The following ARHGEF3 variants were observed in gnomAD, a reference collection of about 807,000 sequenced individuals.
ARHGEF3 encodes the protein Rho guanine nucleotide exchange factor 3.
Under a neutral mutation model 63.2 loss-of-function variants are expected in ARHGEF3, and 28 were observed. That is an observed-to-expected ratio of 0.44 (90% confidence interval 0.33 to 0.61). ARHGEF3 has a LOEUF of 0.61. Among genes scored for constraint, ARHGEF3 ranks in the 20% least tolerant of loss-of-function variants. The probability of loss-of-function intolerance (pLI) is 0.03; values close to 1 mark genes in which losing one functional copy is unlikely to be tolerated. For synonymous variants in ARHGEF3, 266 were observed against 254.2 expected (o/e 1.05, Z -0.44); for missense variants, 533 against 659.3 (o/e 0.81, Z 2.10).
intron 2 of ARHGEF3, among the ~76,000 whole-genome samples, chr3:56,980,054 G>A (rs11925114): frequency 0.015 from 2,315 of 152,250 alleles, 41 homozygotes; most frequent in Non-Finnish European, 0.024. Flanking sequence ...TTTGTGAATT[G>A]AGAATGATGA....
Position 56,992,375 on chromosome 3 carries a change from T to TAAAAAAAAAAAA in ARHGEF3, c.63-33498_63-33487dup, listed in dbSNP as rs57740672. 8.5e-4 allele frequency among the ~76,000 whole-genome samples: 39 copies of TAAAAAAAAAAAA among 46,150 alleles called. 5 individuals are homozygous for TAAAAAAAAAAAA. Among genetic ancestry groups the TAAAAAAAAAAAA allele is most frequent in the African/African-American group, 9.7e-4 (19 of 19,684 alleles). 30.3% of individuals were successfully genotyped at this position (46,150 alleles called of 152,430 possible). A position where few individuals can be genotyped will look rare whatever the true frequency, so the allele number is the denominator to read the frequency against. On this transcript the variant is annotated intron_variant, in intron 2 of 12. Coordinates refer to the ARHGEF3 transcript ENST00000338458. Reference sequence around the variant, plus strand: ...GGTCCTATGGTAGGGAGGATGGCTTTAAAAAAAAAAAAAAAAAAAAAAAAA... The same window carrying TAAAAAAAAAAAA: ...GGTCCTATGGTAGGGAGGATGGCTTTAAAAAAAAAAAAAAAAAAAAAAAAAAAAAAAAAAAAA...
At chr3:56,781,815 C>T (rs943490478) in intron 1 of ARHGEF3, among the ~76,000 whole-genome samples, 6 of 152,142 alleles carry the variant, frequency 3.9e-5, no homozygotes, top group Non-Finnish European at 8.8e-5. Context: ...TTGAAGTATA[C>T]AGGTGTCACT....
intron 4 of ARHGEF3, among the ~76,000 whole-genome samples, chr3:56,817,923 A>T (rs760289063): frequency 5.9e-5 from 9 of 152,212 alleles, no homozygotes; most frequent in Non-Finnish European, 8.8e-5. Context: ...TGGGGGATCA[A>T]GTGGCCTTGG....
intron 2 of ARHGEF3, among the ~76,000 whole-genome samples, chr3:56,982,752 C>T (rs928422289): frequency 1.3e-5 from 2 of 152,074 alleles, no homozygotes; most frequent in African/African-American, 4.8e-5. Context: ...CTCCCAGGTC[C>T]CCACCTGTCT....
chr3:56,754,856 G>GT, intron 3 of ARHGEF3, 125 bp downstream of exon 3: 1 of 1,316,262 alleles, frequency 7.6e-7, no homozygotes, highest in Non-Finnish European at 1.0e-6. Flanking sequence ...AGACACTCTT[G>GT]TTTATCCTTC....
At chr3:56,798,267 A>T (rs1369851213) in intron 1 of ARHGEF3, among the ~76,000 whole-genome samples, 1 of 152,236 alleles carries the variant, frequency 6.6e-6, no homozygotes, top group Non-Finnish European at 1.5e-5. Context: ...ACAAATTTTT[A>T]AAACTGCTGA....
At chr3:56,928,087 C>T (rs2042321121) in intron 3 of ARHGEF3, among the ~76,000 whole-genome samples, 1 of 152,178 alleles carries the variant, frequency 6.6e-6, no homozygotes, top group African/African-American at 2.4e-5. Context: ...TGCACCAAAG[C>T]TCTTCAGAGC....
In ARHGEF3 at chr3:57,017,380, G is replaced by A. The variant is rs536111321; in HGVS notation, c.62+17708C>T. Among the ~76,000 whole-genome samples the A allele has an allele frequency of 9.9e-5, 15 of 152,262 alleles. No individual in the cohort carries two copies. The South Asian group carries it at 1.2e-3, about 13-fold the overall frequency. On this transcript the variant is annotated intron_variant, in intron 2 of 12. Transcript: ENST00000338458. ...GGTTCCAATACCCAGGACATGCTCT[G>A]GGAAGAAAGAGAATGTCCACTAACC...
intron 1 of ARHGEF3, among the ~76,000 whole-genome samples, chr3:56,779,727 G>T (rs140816503): frequency 0.013 from 1,992 of 152,344 alleles, 45 homozygotes; most frequent in African/African-American, 0.045. Flanking sequence ...AATTCCTACA[G>T]ATTTTCCCTC....
At chr3:56,753,009 G>A (rs992732605) in intron 4 of ARHGEF3, among the ~76,000 whole-genome samples, 3 of 152,164 alleles carry the variant, frequency 2.0e-5, no homozygotes, top group Non-Finnish European at 4.4e-5. Context: ...AGGAAGGTTT[G>A]TTGTCCTCCT....
At chr3:56,971,494 A>G (rs1182410823) in intron 2 of ARHGEF3, among the ~76,000 whole-genome samples, 2 of 152,148 alleles carry the variant, frequency 1.3e-5, no homozygotes, top group Admixed American at 6.5e-5. Flanking sequence ...ACCGGCCATG[A>G]GGGATTTAAT....
At chr3:57,001,515 G>A (rs905190969) in intron 2 of ARHGEF3, among the ~76,000 whole-genome samples, 10 of 152,168 alleles carry the variant, frequency 6.6e-5, no homozygotes, top group Non-Finnish European at 1.3e-4. Flanking sequence ...TTCCCAAGTT[G>A]CAATTCAACA....
intron 1 of ARHGEF3, chr3:57,074,371 C>T (rs1706110502): frequency 6.2e-6 from 6 of 964,368 alleles, no homozygotes; most frequent in Non-Finnish European, 9.5e-6. Context: ...AGGGGTGACT[C>T]GTAGCCATCC....
chr3:56,797,035 A>G (rs1401562040), intron 1 of ARHGEF3, among the ~76,000 whole-genome samples: 1 of 152,088 alleles, frequency 6.6e-6, no homozygotes, highest in East Asian at 1.9e-4. Flanking sequence ...ACATTTTTTG[A>G]GCACTTACGA....
chr3:56,958,754 T>C (rs1700154687), intron 3 of ARHGEF3: 1 of 1,472,828 alleles, frequency 6.8e-7, no homozygotes, highest in Non-Finnish European at 9.3e-7. Flanking sequence ...ACAGCGTCCG[T>C]TCTGGAGGCC....
Position 56,761,051 on chromosome 3 carries a change from T to A in ARHGEF3, c.205-5900A>T, listed in dbSNP as rs544747817. ...ATTTGACAGGCTGAGATGGGAGGAT[T>A]ACCTGAGGCCAGGAGTTTGAAACCA... On this transcript the variant is annotated intron_variant, in intron 2 of 9. Coordinates refer to ENST00000296315, the MANE Select transcript of ARHGEF3 (RefSeq NM_019555.3). Among the ~76,000 whole-genome samples the A allele has an allele frequency of 2.1e-3, 318 of 152,218 alleles. 3 individuals carry two copies. Among genetic ancestry groups the A allele is most frequent in the South Asian group, 0.02 (94 of 4,816 alleles).
chr3:57,059,069 C>A (rs1290847282), intron 1 of ARHGEF3, among the ~76,000 whole-genome samples: 3 of 151,384 alleles, frequency 2.0e-5, no homozygotes, highest in Admixed American at 6.6e-5. Flanking sequence ...TGCAGCACGC[C>A]AACATGGCAC....
At chr3:56,906,842 A>G (rs916698874) in intron 3 of ARHGEF3, among the ~76,000 whole-genome samples, 38 of 151,950 alleles carry the variant, frequency 2.5e-4, no homozygotes, top group Admixed American at 1.8e-3. Flanking sequence ...GTCTCAAAAA[A>G]AAAAAAGAAA....
chr3:56,919,297 C>G (rs2042065713), intron 3 of ARHGEF3, among the ~76,000 whole-genome samples: 1 of 152,204 alleles, frequency 6.6e-6, no homozygotes, highest in Admixed American at 6.5e-5. Flanking sequence ...CTACATTTGG[C>G]CCAGGGGCCA....
Sources: gnomAD v4.1 joint callset for allele counts (sites outside exome capture counted in the v4.1 genomes callset) on GRCh38, gnomAD v4.1.1 for gene constraint, MANE v1.5 for transcripts, NCBI Gene and HGNC (gene_info 2026-07-23, HGNC 2026-07-21) for gene names.